Variants in NR5A2 observed in about 807,000 individuals in gnomAD.
NR5A2 encodes the protein nuclear receptor subfamily 5 group A member 2, also known as CYP7A promoter-binding factor.
NR5A2 carries 26 observed loss-of-function variants against 62.7 expected under a neutral mutation model. The observed-to-expected ratio is 0.41, with a 90% CI of 0.30 to 0.58. NR5A2 has a LOEUF of 0.58. Among genes scored for constraint, NR5A2 ranks in the 20% least tolerant of loss-of-function variants. The pLI is 0.22. For missense variants in NR5A2, 541 were observed against 669.1 expected, an observed-to-expected ratio of 0.81 and a Z score of 2.11; for synonymous variants, 246 against 241.7, an observed-to-expected ratio of 1.02 and a Z score of -0.16.
intron 5 of NR5A2, among the ~76,000 whole-genome samples, chr1:200,053,223 C>T (rs1052799935): frequency 6.6e-6 from 1 of 152,110 alleles, no homozygotes; most frequent in Non-Finnish European, 1.5e-5. Flanking sequence ...TATAAGCGAG[C>T]TGCTTTGTTT....
chr1:200,156,599 A>G (rs2102372835), intron 7 of NR5A2, among the ~76,000 whole-genome samples: 1 of 152,094 alleles, frequency 6.6e-6, no homozygotes, highest in Middle Eastern at 3.4e-3. Context: ...GTGTTTCACC[A>G]TCTTGACCAG....
chr1:200,029,233 G>GCGCTCGGGGGCTCGCGCC (rs1463683485), intron 1 of NR5A2: 1 of 205,240 alleles, frequency 4.9e-6, no homozygotes, highest in East Asian at 1.8e-4. Context: ...CGGGGGACGC[G>GCGCTCGGGGGCTCGCGCC]CGCTCGGGGG....
intron 1 of NR5A2, among the ~76,000 whole-genome samples, chr1:200,032,850 T>A (rs1661596067): frequency 6.6e-6 from 1 of 152,222 alleles, no homozygotes; most frequent in East Asian, 1.9e-4. Flanking sequence ...AAATACATAC[T>A]CTTTCTCCAA....
chr1:200,134,904 C>T (rs1465731588), intron 7 of NR5A2, among the ~76,000 whole-genome samples: 1 of 152,172 alleles, frequency 6.6e-6, no homozygotes, highest in African/African-American at 2.4e-5. Flanking sequence ...TTCCTGTCTT[C>T]CAAAATTAAA....
intron 1 of NR5A2, among the ~76,000 whole-genome samples, chr1:200,038,928 G>T (rs1571696804): frequency 6.6e-6 from 1 of 152,006 alleles, no homozygotes; most frequent in African/African-American, 2.4e-5. Flanking sequence ...TCCGGAACCC[G>T]CGTCCGCATT....
intron 7 of NR5A2, among the ~76,000 whole-genome samples, chr1:200,137,510 C>T (rs1667277792): frequency 6.6e-6 from 1 of 152,012 alleles, no homozygotes; most frequent in Admixed American, 6.6e-5. Context: ...GTCTAAATTC[C>T]TATCCTCTTA....
In NR5A2 at chr1:200,039,779, G is replaced by A. The variant is rs999503010; in HGVS notation, c.186G>A (p.Met62Ile). Residue 62 changes from methionine to isoleucine, a missense_variant, in exon 2 of 8, where the codon ATG (methionine) becomes ATA (isoleucine). By Grantham distance (10) the Met-to-Ile change is conservative. Coordinates refer to ENST00000367362, the MANE Select transcript of NR5A2 (RefSeq NM_205860.3). The surrounding 1 kb of genome is among the most constrained non-coding windows in gnomAD (Gnocchi z 5.1). Reference protein sequence around the residue: ...LARSHGEQGQMPENMQVSQFK... With the variant: ...LARSHGEQGQIPENMQVSQFK... ...GATCGCATGGGGAACAGGGCCAGAT[G>A]CCGGAAAACATGCAAGGTAAGGAGG... The A allele has an allele frequency of 6.2e-7, 1 of 1,607,258 alleles. No individual in the cohort carries two copies. Among genetic ancestry groups the A allele is most frequent in the South Asian group, 1.1e-5 (1 of 90,674 alleles).
At position 200,170,035 on chromosome 1, in the gene NR5A2, C is replaced by T. The variant is rs554267432; in HGVS notation, c.1379-3928C>T. Among the ~76,000 whole-genome samples, 23 of 152,282 alleles carry T rather than the reference C, an allele frequency of 1.5e-4. 1 individual carries two copies. The highest frequency in any genetic ancestry group is 8.3e-4 in the South Asian group (4 of 4,822). ...AATGCTATTTAATATGAGAACCAAA[C>T]AGCAAATTTCAAAAACATGTATTTC... On this transcript the variant is annotated intron_variant, in intron 7 of 7. Coordinates refer to ENST00000367362, the MANE Select transcript of NR5A2 (RefSeq NM_205860.3).
intron 5 of NR5A2, among the ~76,000 whole-genome samples, chr1:200,109,167 A>G (rs1399819153): frequency 6.6e-6 from 1 of 152,160 alleles, no homozygotes; most frequent in Non-Finnish European, 1.5e-5. Flanking sequence ...AACAATAGCT[A>G]TTTACTTAAT....
At chr1:200,074,608 G>A (rs2816921) in intron 5 of NR5A2, among the ~76,000 whole-genome samples, 71,342 of 150,330 alleles carry the variant, frequency 0.47, 16,908 homozygotes, top group Middle Eastern at 0.52. Context: ...TTGGTGGCGG[G>A]TGCCTGTAGT....
At chr1:200,065,106 A>G (rs1030945871) in intron 5 of NR5A2, among the ~76,000 whole-genome samples, 9 of 151,802 alleles carry the variant, frequency 5.9e-5, no homozygotes, top group African/African-American at 1.9e-4. Flanking sequence ...TCAGTATAAC[A>G]TTCTTTTTGA....
At position 200,175,222 on chromosome 1, in the gene NR5A2, T is replaced by C. The variant is rs1228237729; in HGVS notation, c.*1012T>C. 2 of 152,472 alleles carry C rather than the reference T, an allele frequency of 1.3e-5. No individual in the cohort carries two copies. The highest frequency in any genetic ancestry group is 2.9e-5 in the Non-Finnish European group (2 of 68,046). The allele number at this position is 152,472 out of a possible 1,614,324, so 9.4% of individuals were successfully genotyped here. On this transcript the variant is annotated 3_prime_UTR_variant, in exon 8 of 8. Transcript: ENST00000367362. ...CAGTTCTAAGTAGTTGGAAACAAAA[T>C]TGACGCATGTTAATCTATGCAAAGA...
intron 7 of NR5A2, among the ~76,000 whole-genome samples, chr1:200,123,977 T>G (rs1558152983): frequency 1.3e-5 from 2 of 152,018 alleles, no homozygotes; most frequent in African/African-American, 4.8e-5. Context: ...AATTTTTTTG[T>G]ATTTTTAGTA....
chr1:200,043,862 T>C lies in NR5A2; in HGVS notation c.291T>C (p.His97=), dbSNP rs1662236405. 6.2e-7 allele frequency: 1 copy of C among 1,613,310 alleles called. No homozygotes were observed. Residue 97 remains histidine (H), a synonymous_variant, in exon 3 of 8, where the codon CAT becomes CAC. Transcript: ENST00000367362. The part of the protein sequence containing the change: ...PVCGDKVSGY[H]YGLLTCESCK... ...GTGGAGATAAAGTGTCTGGGTACCATTATGGGCTCCTCACCTGTGAAAGCT... is the reference window on the plus strand; with the variant it reads ...GTGGAGATAAAGTGTCTGGGTACCACTATGGGCTCCTCACCTGTGAAAGCT...
At position 200,135,460 on chromosome 1, in the gene NR5A2, G is replaced by A. The variant is rs529417383; in HGVS notation, c.1378+14505G>A. 2.0e-5 allele frequency among the ~76,000 whole-genome samples: 3 copies of A among 152,004 alleles called. No homozygotes were observed. In the East Asian group the frequency reaches 5.8e-4, roughly 29 times the overall value. On this transcript the variant is annotated intron_variant, in intron 7 of 7. Transcript: ENST00000367362. ...CGCTTGAACCTGGGAGGTGGAGGTT[G>A]CGGCAAGCCAAGATTGCGCCCCTGC...
intron 7 of NR5A2, among the ~76,000 whole-genome samples, chr1:200,125,251 A>C (rs1394348369): frequency 6.6e-6 from 1 of 152,258 alleles, no homozygotes; most frequent in East Asian, 1.9e-4. Context: ...CTTTCAGCCC[A>C]TGTTAAGTAA....
intron 5 of NR5A2, among the ~76,000 whole-genome samples, chr1:200,096,910 T>C (rs763597239): frequency 6.6e-6 from 1 of 152,178 alleles, no homozygotes; most frequent in Non-Finnish European, 1.5e-5. Flanking sequence ...ACCATCTAGG[T>C]TTGTGTAGGT....
intron 5 of NR5A2, chr1:200,057,511 C>T: frequency 4.1e-6 from 1 of 243,038 alleles, no homozygotes; most frequent in South Asian, 3.8e-5. Context: ...CAGGGTCTCA[C>T]TCTGTCGCCC....
intron 6 of NR5A2, among the ~76,000 whole-genome samples, chr1:200,114,884 G>A (rs559074199): frequency 2.6e-5 from 4 of 152,246 alleles, no homozygotes; most frequent in East Asian, 1.9e-4. Context: ...ATGCCATACC[G>A]TTTATCTGAT....
Sources: allele counts gnomAD v4.1 joint callset (sites outside exome capture counted in the v4.1 genomes callset), GRCh38; gene constraint gnomAD v4.1.1; non-coding constraint Gnocchi (gnomAD v3.1); transcripts MANE v1.5; gene names NCBI Gene and HGNC (gene_info 2026-07-23, HGNC 2026-07-21).